The following MTBP variants were observed in gnomAD, a reference collection of about 807,000 sequenced individuals.
The protein encoded by MTBP is mdm2-binding protein.
Under a neutral mutation model 117.0 loss-of-function variants are expected in MTBP, and 101 were observed. That is an observed-to-expected ratio of 0.86 (90% CI 0.73 to 1.02). MTBP has a LOEUF of 1.02. Ranked by LOEUF, MTBP falls within the 50% of genes least tolerant of loss-of-function variation. MTBP has a pLI of 0.00. For synonymous variants in MTBP, 350 were observed against 351.5 expected, an observed-to-expected ratio of 1.00 and a Z score of 0.05; for missense variants, 970 against 1,030.9, an observed-to-expected ratio of 0.94 and a Z score of 0.81.
At chr8:120,470,079 G>A (rs1316932890) in intron 10 of MTBP, among the ~76,000 whole-genome samples, 1 of 152,124 alleles carries the variant, frequency 6.6e-6, no homozygotes, top group Non-Finnish European at 1.5e-5. Flanking sequence ...TGATATAGCT[G>A]CATTTCTAAA....
intron 19 of MTBP, 85 bp from the exon 20 acceptor site, chr8:120,518,619 A>G: frequency 1.2e-6 from 1 of 813,404 alleles, no homozygotes; most frequent in East Asian, 2.7e-5. Context: ...TGAATGTGTA[A>G]TTCACAGGAT....
Position 120,453,885 on chromosome 8 carries a change from C to T in MTBP, c.464C>T (p.Ser155Leu), listed in dbSNP as rs987878243. 11 of 1,578,678 alleles carry T rather than the reference C, an allele frequency of 7.0e-6. No individual in the cohort carries two copies. The highest frequency in any genetic ancestry group is 9.5e-6 in the Non-Finnish European group (11 of 1,158,774). Residue 155 changes from serine to leucine, a missense_variant, in exon 5 of 22, where the codon TCA becomes TTA. By Grantham distance (145) the Ser-to-Leu change is moderately radical. Coordinates refer to ENST00000305949, the MANE Select transcript of MTBP (RefSeq NM_022045.5). ...EEAAENLHQL[S>L]DKLPAPGRAM... Reference sequence around the variant, plus strand: ...GCTGCAGAAAATTTGCATCAGCTGTCAGACAAGCTTCCTGCTCCTGGTAAT... The same window carrying T: ...GCTGCAGAAAATTTGCATCAGCTGTTAGACAAGCTTCCTGCTCCTGGTAAT...
chr8:120,481,831 G>T (rs896601434), intron 11 of MTBP, among the ~76,000 whole-genome samples: 1 of 152,058 alleles, frequency 6.6e-6, no homozygotes, highest in East Asian at 1.9e-4. Flanking sequence ...ATCACTTTTT[G>T]TAAGAATCAT....
At chr8:120,468,481 C>A (rs1488601466) in intron 10 of MTBP, among the ~76,000 whole-genome samples, 3 of 152,150 alleles carry the variant, frequency 2.0e-5, no homozygotes, top group African/African-American at 4.8e-5. Context: ...TTTTCTGCAT[C>A]CTGCCTTGCC....
At chr8:120,516,245 G>T (rs1041469872) in intron 18 of MTBP, 54 bp downstream of exon 18, 6 of 1,385,996 alleles carry the variant, frequency 4.3e-6, no homozygotes, top group African/African-American at 1.5e-5. Flanking sequence ...TTTTAGTCTC[G>T]AGGATTTTTA....
intron 10 of MTBP, among the ~76,000 whole-genome samples, chr8:120,469,491 C>T (rs1466419828): frequency 2.6e-5 from 4 of 152,108 alleles, no homozygotes; most frequent in Admixed American, 6.5e-5. Context: ...TATGGCCGGC[C>T]GCTATACCAC....
Position 120,509,966 on chromosome 8 carries a change from G to A in MTBP, c.1916G>A (p.Ser639Asn). 4 of 1,612,076 alleles carry A rather than the reference G, an allele frequency of 2.5e-6. No individual in the cohort carries two copies. The South Asian group carries it at 4.4e-5, about 18-fold the overall frequency. Residue 639 changes from serine (S) to asparagine (N), a missense_variant, in exon 17 of 22, where the codon AGT (serine) becomes AAT (asparagine). Coordinates refer to ENST00000305949, the MANE Select transcript of MTBP (RefSeq NM_022045.5). The stretch of plus-strand genomic sequence containing the variant: ...ACTTTTGTTTTGACACCAGAACTTA[G>A]TCCTGGGAAACTTCAGGTCTTACCT... The part of the protein sequence containing the change: ...EKTFVLTPEL[S>N]PGKLQVLPFE...
At chr8:120,498,218 C>T (rs1814509021) in intron 14 of MTBP, among the ~76,000 whole-genome samples, 1 of 152,130 alleles carries the variant, frequency 6.6e-6, no homozygotes, top group African/African-American at 2.4e-5. Flanking sequence ...AATAATATAA[C>T]CCACTTACTA....
chr8:120,456,328 T>C (rs1813467184), intron 6 of MTBP, among the ~76,000 whole-genome samples: 1 of 152,170 alleles, frequency 6.6e-6, no homozygotes, highest in Non-Finnish European at 1.5e-5. Flanking sequence ...TTCTTCATCC[T>C]TAGTACTAAA....
rs780226244 is a variant in MTBP at position 120,488,379 on chromosome 8, G to C, written c.1339+47G>C. On this transcript the variant is annotated intron_variant, in intron 12 of 21. Coordinates refer to ENST00000305949, the MANE Select transcript of MTBP (RefSeq NM_022045.5). ...AAAAACATGTTTACATTGTTTGTGT[G>C]TGTGGTTAGCATATGTGGCTTTAAG... 29 of 1,405,948 alleles carry C rather than the reference G, an allele frequency of 2.1e-5. 1 individual carries two copies. In the South Asian group the frequency reaches 4.7e-4, roughly 23 times the overall value. The allele number at this position is 1,405,948 out of a possible 1,614,324, so 87.1% of individuals were successfully genotyped here.
chr8:120,448,758 C>T (rs1813277440), intron 2 of MTBP, among the ~76,000 whole-genome samples: 1 of 152,074 alleles, frequency 6.6e-6, no homozygotes, highest in African/African-American at 2.4e-5. Context: ...GTTGTTTAAG[C>T]TACAGTAACT....
chr8:120,497,277 T>C (rs1297771608), intron 13 of MTBP, 116 bp from the exon 14 acceptor site: 5 of 891,822 alleles, frequency 5.6e-6, no homozygotes, highest in African/African-American at 1.7e-5. Context: ...AAAACAGGAA[T>C]GTTGATTTAC....
chr8:120,496,653 CTTGG>C (rs1261760254), intron 13 of MTBP, among the ~76,000 whole-genome samples: 2 of 151,454 alleles, frequency 1.3e-5, no homozygotes, highest in Non-Finnish European at 2.9e-5. Context: ...TCCTTAATCC[CTTGG>C]TTTTAACACC....
Position 120,518,751 on chromosome 8 carries a change from C to T in MTBP, c.2544C>T (p.Thr848=), listed in dbSNP as rs751239148. Residue 848 remains threonine, a synonymous_variant, in exon 20 of 22, where the codon ACC becomes ACT. Coordinates refer to ENST00000305949, the MANE Select transcript of MTBP (RefSeq NM_022045.5). The part of the protein sequence containing the change: ...VTETLKKHSI[T]ETHECFTACS... ...AAACCCTGAAGAAACACAGTATTAC[C>T]GAGACTCATGAATGTTTCACTGCAT... The T allele has an allele frequency of 3.1e-6, 5 of 1,611,480 alleles. No individual in the cohort carries two copies. Among genetic ancestry groups the T allele is most frequent in the African/African-American group, 2.7e-5 (2 of 74,856 alleles).
chr8:120,481,448 A>ATT (rs35638495), intron 11 of MTBP, among the ~76,000 whole-genome samples: 449 of 151,730 alleles, frequency 3.0e-3, no homozygotes, highest in African/African-American at 0.01. Context: ...TGAAGAGATC[A>ATT]TTTTTTTTTG....
intron 8 of MTBP, 147 bp downstream of exon 8, chr8:120,459,496 T>A: frequency 1.3e-6 from 1 of 746,810 alleles, no homozygotes; most frequent in Non-Finnish European, 2.0e-6. Flanking sequence ...ACTTAAGTTA[T>A]ACTATGTCAT....
intron 10 of MTBP, among the ~76,000 whole-genome samples, chr8:120,466,730 C>T (rs1227907000): frequency 2.6e-5 from 4 of 151,632 alleles, no homozygotes; most frequent in Admixed American, 1.3e-4. Flanking sequence ...AAAAATTAGC[C>T]GGGCAAGGAG....
chr8:120,489,351 A>G (rs1351793445), intron 12 of MTBP, among the ~76,000 whole-genome samples: 5 of 152,054 alleles, frequency 3.3e-5, no homozygotes, highest in African/African-American at 1.2e-4. Context: ...CTGACTTCTT[A>G]TATGGTTGCT....
chr8:120,504,276 T>A (rs916282638), intron 15 of MTBP, among the ~76,000 whole-genome samples: 5 of 152,146 alleles, frequency 3.3e-5, no homozygotes, highest in African/African-American at 1.2e-4. Flanking sequence ...AGATGATATC[T>A]TATAACTTCC....
Sources: allele counts gnomAD v4.1 joint callset (sites outside exome capture counted in the v4.1 genomes callset), GRCh38; gene constraint gnomAD v4.1.1; transcripts MANE v1.5; gene names NCBI Gene and HGNC (gene_info 2026-07-23, HGNC 2026-07-21).